The following TMEM170A variants were observed in gnomAD, a reference collection of about 807,000 sequenced individuals.
TMEM170A encodes transmembrane protein 170A.
TMEM170A carries 18 observed loss-of-function variants against 12.8 expected under a neutral mutation model. The ratio of observed to expected loss-of-function variants is 1.41; its 90% CI spans 0.97 to 2.09. The LOEUF (loss-of-function observed/expected upper bound fraction) is 2.09. Ranked by LOEUF, TMEM170A falls within the 30% of genes most tolerant of loss-of-function variation. The pLI, the probability that TMEM170A is intolerant of heterozygous loss-of-function variation, is 0.00. For synonymous variants in TMEM170A, 107 were observed against 76.2 expected (o/e 1.40, Z -2.11); for missense variants, 220 against 179.9 (o/e 1.22, Z -1.28).
intron 1 of TMEM170A, chr16:75,458,459 A>G (rs1447929329): frequency 6.6e-6 from 1 of 152,224 alleles, no homozygotes; most frequent in African/African-American, 2.4e-5. Flanking sequence ...TCTTTGTAAG[A>G]CCAAGGTAGG....
At chr16:75,449,423 G>A (rs1468087874) in intron 2 of TMEM170A, among the ~76,000 whole-genome samples, 1 of 151,750 alleles carries the variant, frequency 6.6e-6, no homozygotes. Flanking sequence ...AACCTCCTGG[G>A]CTCAAGTGAT....
intron 2 of TMEM170A, among the ~76,000 whole-genome samples, chr16:75,450,840 T>C (rs1024929900): frequency 6.6e-6 from 1 of 152,116 alleles, no homozygotes; most frequent in African/African-American, 2.4e-5. Context: ...TTTATTTTTA[T>C]TTGTAGAGAT....
intron 2 of TMEM170A, among the ~76,000 whole-genome samples, chr16:75,450,069 T>C (rs1265232082): frequency 6.6e-6 from 1 of 151,508 alleles, no homozygotes; most frequent in Non-Finnish European, 1.5e-5. Flanking sequence ...CCTATTTTAC[T>C]GAGGAACAAA....
Position 75,451,763 on chromosome 16 carries a change from G to A in TMEM170A, c.210C>T (p.Leu70=), listed in dbSNP as rs2079688797. Residue 70 remains leucine, a synonymous_variant, in exon 2 of 3, where the codon CTC becomes CTT. Transcript: ENST00000561878. ...CATATTTGTGATGTCTGAGGGTGAA[G>A]AGGGCCAGTAATCCAGCAGGGACAT... is the stretch of plus-strand genomic sequence containing the variant. ...FFHVPAGLLA[L]FTLRHHKYGR... is the part of the protein sequence containing the mutation. 6.2e-7 allele frequency: 1 copy of A among 1,614,138 alleles called. No homozygotes were observed. The highest frequency in any genetic ancestry group is 1.1e-5 in the South Asian group (1 of 91,080).
At chr16:75,464,414 C>G (rs2079961420) in intron 1 of TMEM170A, 54 bp downstream of exon 1, 2 of 1,395,484 alleles carry the variant, frequency 1.4e-6, no homozygotes, top group Non-Finnish European at 1.9e-6. Flanking sequence ...GCGCCCACAG[C>G]ACGGCAGCGG....
At position 75,461,277 on chromosome 16, in the gene TMEM170A, C is replaced by T. The variant is rs530345690; in HGVS notation, c.133+3191G>A. Reference sequence around the variant, plus strand: ...CCACGTTGGCCAGGCTAGTCTTGAACTCCTGACCTTAGATGATCCGCCCGC... The same window carrying T: ...CCACGTTGGCCAGGCTAGTCTTGAATTCCTGACCTTAGATGATCCGCCCGC... On this transcript the variant is annotated intron_variant, in intron 1 of 2. Transcript: ENST00000561878. Among the ~76,000 whole-genome samples, 6 of 151,914 alleles carry T rather than the reference C, an allele frequency of 3.9e-5. No homozygotes were observed. In the South Asian group the frequency reaches 1.2e-3, roughly 31 times the overall value.
In TMEM170A at chr16:75,447,087, T is replaced by C. The variant is rs1189387181; in HGVS notation, c.*471A>G. ...TACTCAACCAAAACCTATTTGGCAT[T>C]TATTGTCACTAAGATGTAGCAAAGA... On this transcript the variant is annotated 3_prime_UTR_variant, in exon 3 of 3. Coordinates refer to ENST00000561878, the MANE Select transcript of TMEM170A (RefSeq NM_145254.3). 6.6e-6 allele frequency: 1 copy of C among 152,284 alleles called. No homozygotes were observed. The highest frequency in any genetic ancestry group is 1.5e-5 in the Non-Finnish European group (1 of 68,080). 9.4% of individuals were successfully genotyped at this position (152,284 alleles called of 1,614,324 possible).
At chr16:75,464,059 C>T (rs1254105328) in intron 1 of TMEM170A, among the ~76,000 whole-genome samples, 2 of 152,196 alleles carry the variant, frequency 1.3e-5, no homozygotes, top group African/African-American at 4.8e-5. Flanking sequence ...TCAGCGCGGC[C>T]GGGCCGCTCC....
At chr16:75,449,382 C>T (rs868610156) in intron 2 of TMEM170A, among the ~76,000 whole-genome samples, 19 of 149,744 alleles carry the variant, frequency 1.3e-4, no homozygotes, top group African/African-American at 4.4e-4. Context: ...GGCTGGAATG[C>T]GGTGGCATGA....
At position 75,458,380 on chromosome 16, in the gene TMEM170A, A is replaced by C. The variant is rs1230121418; in HGVS notation, c.133+6088T>G. 2.0e-5 allele frequency: 3 copies of C among 152,270 alleles called. No homozygotes were observed. The East Asian group carries it at 5.8e-4, about 29-fold the overall frequency. 9.4% of individuals were successfully genotyped at this position (152,270 alleles called of 1,614,324 possible). ...ACATGGGAAAAGGGACATTGTGGTGACTAAAGTAAGGATCTTCCAAAAGGA... is the reference window on the plus strand; with the variant it reads ...ACATGGGAAAAGGGACATTGTGGTGCCTAAAGTAAGGATCTTCCAAAAGGA... On this transcript the variant is annotated intron_variant, in intron 1 of 2. Transcript: ENST00000561878.
At chr16:75,452,760 A>G (rs1330618344) in intron 1 of TMEM170A, 7 of 152,216 alleles carry the variant, frequency 4.6e-5, no homozygotes, top group Non-Finnish European at 8.8e-5. Context: ...ATTTACTTGC[A>G]AAGTAGGGTT....
intron 1 of TMEM170A, among the ~76,000 whole-genome samples, chr16:75,452,850 C>A (rs1258011308): frequency 6.6e-6 from 1 of 152,178 alleles, no homozygotes; most frequent in African/African-American, 2.4e-5. Context: ...CTGTTTTTTA[C>A]ACACTTATCT....
At chr16:75,457,500 G>A (rs1046166210) in intron 1 of TMEM170A, among the ~76,000 whole-genome samples, 2 of 152,130 alleles carry the variant, frequency 1.3e-5, no homozygotes, top group African/African-American at 4.8e-5. Flanking sequence ...TCAGGAAGAG[G>A]GTCTTCACCA....
At chr16:75,464,364 G>T in intron 1 of TMEM170A, 104 bp downstream of exon 1, 1 of 1,377,576 alleles carries the variant, frequency 7.3e-7, no homozygotes, top group Non-Finnish European at 9.4e-7. Context: ...CGCCCACGCC[G>T]CCAGCAGGCT....
At chr16:75,463,944 G>A (rs995033866) in intron 1 of TMEM170A, among the ~76,000 whole-genome samples, 3 of 152,248 alleles carry the variant, frequency 2.0e-5, no homozygotes, top group Admixed American at 6.5e-5. Flanking sequence ...AGCGGGTCTC[G>A]GAGGGGGAGG....
At chr16:75,461,342 CGG>C (rs1336317922) in intron 1 of TMEM170A, among the ~76,000 whole-genome samples, 1 of 152,186 alleles carries the variant, frequency 6.6e-6, no homozygotes, top group Non-Finnish European at 1.5e-5. Context: ...GCGTGAGCCA[CGG>C]CAACCGGCCA....
chr16:75,463,099 A>G (rs541787603), intron 1 of TMEM170A, among the ~76,000 whole-genome samples: 3 of 152,226 alleles, frequency 2.0e-5, no homozygotes, highest in Non-Finnish European at 4.4e-5. Context: ...AGAAAGCCAA[A>G]GAATCAAAAT....
At chr16:75,458,039 C>T (rs1231857920) in intron 1 of TMEM170A, among the ~76,000 whole-genome samples, 1 of 152,208 alleles carries the variant, frequency 6.6e-6, no homozygotes, top group African/African-American at 2.4e-5. Flanking sequence ...TCTACTGCAC[C>T]TTAATTTGCC....
At chr16:75,453,425 C>T (rs1377179146) in intron 1 of TMEM170A, among the ~76,000 whole-genome samples, 4 of 152,112 alleles carry the variant, frequency 2.6e-5, no homozygotes, top group Non-Finnish European at 5.9e-5. Flanking sequence ...CAGGGTGAGA[C>T]GGTCTCAAAA....
Sources: allele counts gnomAD v4.1 joint callset (sites outside exome capture counted in the v4.1 genomes callset), GRCh38; gene constraint gnomAD v4.1.1; transcripts MANE v1.5; gene names NCBI Gene and HGNC (gene_info 2026-07-23, HGNC 2026-07-21).